DENND1A: variants seen among roughly 807,000 people sequenced by gnomAD.
The protein encoded by DENND1A is DENN domain-containing protein 1A.
DENND1A carries 51 observed loss-of-function variants against 113.7 expected under a neutral mutation model. The ratio of observed to expected loss-of-function variants is 0.45; its 90% CI spans 0.36 to 0.57. The LOEUF (loss-of-function observed/expected upper bound fraction) is 0.57, where lower values mean the gene tolerates loss of function less well. Among genes scored for constraint, DENND1A ranks in the 20% least tolerant of loss-of-function variants. The pLI, the probability that DENND1A is intolerant of heterozygous loss-of-function variation, is 0.00. For synonymous variants in DENND1A, 565 were observed against 570.8 expected, an observed-to-expected ratio of 0.99 and a Z score of 0.14; for missense variants, 1,258 against 1,395.9, an observed-to-expected ratio of 0.90 and a Z score of 1.57.
chr9:123,903,331 CAAAAAAAAA>C (rs869154918), intron 1 of DENND1A, among the ~76,000 whole-genome samples: 9 of 27,010 alleles, frequency 3.3e-4, no homozygotes, highest in African/African-American at 9.3e-4. Context: ...GACTCCGTCT[CAAAAAAAAA>C]AAAAAAAAAA....
chr9:123,812,898 C>T (rs1012554224), intron 2 of DENND1A, among the ~76,000 whole-genome samples: 1 of 152,094 alleles, frequency 6.6e-6, no homozygotes, highest in African/African-American at 2.4e-5. Context: ...ACCAAAGTTT[C>T]AGATTTTAGT....
At chr9:123,684,332 C>A (rs2064668667) in intron 5 of DENND1A, among the ~76,000 whole-genome samples, 1 of 152,160 alleles carries the variant, frequency 6.6e-6, no homozygotes, top group African/African-American at 2.4e-5. Context: ...AGAAGATACT[C>A]TTCTCTCCAA....
chr9:123,669,543 G>T (rs1053913630), intron 7 of DENND1A, among the ~76,000 whole-genome samples: 2 of 152,206 alleles, frequency 1.3e-5, no homozygotes, highest in African/African-American at 4.8e-5. Context: ...CTTGAGGCCT[G>T]GCATGCATGC....
intron 19 of DENND1A, among the ~76,000 whole-genome samples, chr9:123,420,596 G>A (rs2045197914): frequency 6.6e-6 from 1 of 152,214 alleles, no homozygotes; most frequent in African/African-American, 2.4e-5. Flanking sequence ...CCGTGAGTGA[G>A]TGCTGAGCTG....
chr9:123,395,414 C>T (rs531863712), intron 21 of DENND1A, among the ~76,000 whole-genome samples: 3 of 151,120 alleles, frequency 2.0e-5, no homozygotes, highest in East Asian at 1.9e-4. Context: ...TCAGGCTCCA[C>T]GGCTGGCTTT....
intron 12 of DENND1A, among the ~76,000 whole-genome samples, chr9:123,566,938 C>CACACACACAA (rs1261166275): frequency 6.6e-6 from 1 of 151,490 alleles, no homozygotes; most frequent in Non-Finnish European, 1.5e-5. Context: ...CACACACACA[C>CACACACACAA]ACAAACACAC....
intron 9 of DENND1A, among the ~76,000 whole-genome samples, chr9:123,650,308 T>C (rs2062574296): frequency 6.6e-6 from 1 of 151,978 alleles, no homozygotes; most frequent in African/African-American, 2.4e-5. Flanking sequence ...ACCAAAGAAA[T>C]AATAAAATAA....
chr9:123,837,311 AC>A (rs1344374310), intron 2 of DENND1A, among the ~76,000 whole-genome samples: 1 of 152,034 alleles, frequency 6.6e-6, no homozygotes, highest in Non-Finnish European at 1.5e-5. Flanking sequence ...CACAATTAGC[AC>A]CCCCTTGCCT....
chr9:123,902,400 G>A (rs530331141), intron 1 of DENND1A, among the ~76,000 whole-genome samples: 5 of 152,122 alleles, frequency 3.3e-5, no homozygotes, highest in African/African-American at 7.2e-5. Flanking sequence ...TTCTACCTTC[G>A]TGGTGCAAAT....
intron 5 of DENND1A, among the ~76,000 whole-genome samples, chr9:123,677,104 C>G (rs1226556897): frequency 6.6e-6 from 1 of 152,200 alleles, no homozygotes; most frequent in Non-Finnish European, 1.5e-5. Context: ...TGGCCTCTCC[C>G]AGCACACCCA....
At chr9:123,704,599 A>G (rs1447728975) in intron 5 of DENND1A, among the ~76,000 whole-genome samples, 1 of 152,198 alleles carries the variant, frequency 6.6e-6, no homozygotes, top group Non-Finnish European at 1.5e-5. Flanking sequence ...CTCTAGAGGG[A>G]TTCAAATTGA....
At chr9:123,591,484 G>A (rs922844782) in intron 11 of DENND1A, among the ~76,000 whole-genome samples, 8 of 152,240 alleles carry the variant, frequency 5.3e-5, no homozygotes, top group Non-Finnish European at 8.8e-5. Context: ...GCCTCTGCTC[G>A]TCCAACAGCT....
intron 3 of DENND1A, among the ~76,000 whole-genome samples, chr9:123,784,102 A>G (rs1219893114): frequency 6.6e-6 from 1 of 152,160 alleles, no homozygotes. Context: ...AGGAGAGGAA[A>G]AGCCAAGCAA....
rs1248486134 is a variant in DENND1A, at chr9:123,382,006, G to T, written c.2639C>A (p.Pro880His). Residue 880 changes from proline (P) to histidine (H), a missense_variant, in exon 24 of 24, where the codon CCT becomes CAT. Transcript: ENST00000394215. The part of the protein sequence containing the change: ...TPFTPQFSFP[P>H]AGTPTPFPQP... ...TGGGAATGGGGTGGGTGTCCCTGCA[G>T]GGGGGAAGCTGAATTGGGGGGTGAA... is the stretch of plus-strand genomic sequence containing the variant. 2 of 1,485,318 alleles carry T rather than the reference G, an allele frequency of 1.3e-6. No homozygotes were observed. Among genetic ancestry groups the T allele is most frequent in the East Asian group, 4.7e-5 (2 of 42,728 alleles). The allele number at this position is 1,485,318 out of a possible 1,614,324, so 92.0% of individuals were successfully genotyped here. A position where few individuals can be genotyped will look rare whatever the true frequency, so the allele number is the denominator to read the frequency against.
intron 11 of DENND1A, among the ~76,000 whole-genome samples, chr9:123,597,076 A>G (rs1453375637): frequency 2.0e-5 from 3 of 152,194 alleles, no homozygotes; most frequent in Non-Finnish European, 4.4e-5. Context: ...GGGTCACCCT[A>G]TCATAAAATA....
At chr9:123,815,238 G>A (rs1441695297) in intron 2 of DENND1A, among the ~76,000 whole-genome samples, 1 of 152,202 alleles carries the variant, frequency 6.6e-6, no homozygotes, top group Non-Finnish European at 1.5e-5. Context: ...TAATGCAACT[G>A]AATTTATACA....
chr9:123,913,187 T>C (rs1854393081), intron 1 of DENND1A, among the ~76,000 whole-genome samples: 1 of 138,190 alleles, frequency 7.2e-6, no homozygotes, highest in South Asian at 2.4e-4. Flanking sequence ...TCCATGCCCA[T>C]ACAAACTACT....
At chr9:123,911,852 G>A (rs988970394) in intron 1 of DENND1A, among the ~76,000 whole-genome samples, 8 of 152,020 alleles carry the variant, frequency 5.3e-5, no homozygotes, top group East Asian at 1.9e-4. Context: ...CACCATGCCC[G>A]GCTAATTTTT....
At chr9:123,739,223 T>C (rs966482115) in intron 5 of DENND1A, among the ~76,000 whole-genome samples, 2 of 152,114 alleles carry the variant, frequency 1.3e-5, no homozygotes, top group African/African-American at 4.8e-5. Flanking sequence ...TTTCAAATAA[T>C]TACCTTATAG....
Sources: allele counts gnomAD v4.1 joint callset (sites outside exome capture counted in the v4.1 genomes callset), GRCh38; gene constraint gnomAD v4.1.1; transcripts MANE v1.5; gene names NCBI Gene and HGNC (gene_info 2026-07-23, HGNC 2026-07-21).